HS6ST3: variants seen among roughly 807,000 people sequenced by gnomAD.
The protein encoded by HS6ST3 is heparan-sulfate 6-O-sulfotransferase 3.
Under a neutral mutation model 36.7 loss-of-function variants are expected in HS6ST3, and 12 were observed. The observed-to-expected ratio is 0.33, with a 90% CI of 0.21 to 0.53. The LOEUF is 0.53. HS6ST3 is among the 20% of genes least tolerant of loss of function. The pLI is 0.95. For synonymous variants in HS6ST3, 240 were observed against 257.5 expected (o/e 0.93, Z 0.65); for missense variants, 584 against 640.9 (o/e 0.91, Z 0.96).
chr13:96,115,155 A>G (rs1349626649), intron 1 of HS6ST3, among the ~76,000 whole-genome samples: 2 of 152,224 alleles, frequency 1.3e-5, no homozygotes, highest in South Asian at 2.1e-4. Context: ...TGGCACAGAC[A>G]TGGAACCCTG....
chr13:96,696,605 T>G (rs1003107286), intron 1 of HS6ST3, among the ~76,000 whole-genome samples: 1 of 152,144 alleles, frequency 6.6e-6, no homozygotes, highest in Admixed American at 6.5e-5. Context: ...GACTGGGAAG[T>G]CAGACTGAAA....
chr13:96,317,338 AT>A (rs2054976096), intron 1 of HS6ST3, among the ~76,000 whole-genome samples: 2 of 21,692 alleles, frequency 9.2e-5, no homozygotes, highest in African/African-American at 3.9e-4. Context: ...ATATATATAT[AT>A]ATATATATAT....
chr13:96,709,935 G>A (rs762713252), intron 1 of HS6ST3, among the ~76,000 whole-genome samples: 1 of 152,218 alleles, frequency 6.6e-6, no homozygotes, highest in Non-Finnish European at 1.5e-5. Flanking sequence ...GTAGCTTGGA[G>A]AAGATGTAAA....
intron 1 of HS6ST3, among the ~76,000 whole-genome samples, chr13:96,597,062 A>G (rs1353902441): frequency 2.0e-5 from 3 of 152,188 alleles, no homozygotes; most frequent in Non-Finnish European, 2.9e-5. Context: ...GTTGGAGACC[A>G]TTATCCTTAG....
chr13:96,618,171 C>T (rs2056481333), intron 1 of HS6ST3, among the ~76,000 whole-genome samples: 1 of 152,164 alleles, frequency 6.6e-6, no homozygotes, highest in African/African-American at 2.4e-5. Context: ...GCAATCATAG[C>T]TCACTGCAAG....
chr13:96,181,477 T>A lies in HS6ST3; in HGVS notation c.707+89908T>A, dbSNP rs148810912. Among the ~76,000 whole-genome samples the A allele has an allele frequency of 3.5e-3, 529 of 152,194 alleles. 5 individuals are homozygous for A. Among genetic ancestry groups the A allele is most frequent in the African/African-American group, 0.012 (503 of 41,520 alleles). On this transcript the variant is annotated intron_variant, in intron 1 of 1. Coordinates refer to ENST00000376705, the MANE Select transcript of HS6ST3 (RefSeq NM_153456.4). ...ATATTTTCCTGAGGAAAGGAGAGGT[T>A]TTTTCTGCCTCGTTTGAGCTCAGTG...
At chr13:96,680,172 A>G (rs2056713426) in intron 1 of HS6ST3, among the ~76,000 whole-genome samples, 1 of 152,078 alleles carries the variant, frequency 6.6e-6, no homozygotes, top group Non-Finnish European at 1.5e-5. Flanking sequence ...GGGACAACTG[A>G]CACAAACAGG....
intron 1 of HS6ST3, among the ~76,000 whole-genome samples, chr13:96,630,962 A>G (rs1264587598): frequency 2.6e-5 from 4 of 152,136 alleles, no homozygotes; most frequent in Non-Finnish European, 5.9e-5. Flanking sequence ...TTTGAGTCTT[A>G]TATTTTTTAG....
intron 1 of HS6ST3, among the ~76,000 whole-genome samples, chr13:96,809,081 A>C (rs1471080343): frequency 6.6e-6 from 1 of 152,212 alleles, no homozygotes; most frequent in Non-Finnish European, 1.5e-5. Context: ...ACTTCTAACC[A>C]TTTGAGCTAT....
intron 1 of HS6ST3, among the ~76,000 whole-genome samples, chr13:96,809,370 TA>T (rs1273026978): frequency 3.3e-5 from 5 of 152,250 alleles, no homozygotes; most frequent in Non-Finnish European, 7.3e-5. Flanking sequence ...ATGAATGTTA[TA>T]GGGGCATTTC....
chr13:96,529,674 ATGTGCCATAATTCATTTATG>A (rs2056127963), intron 1 of HS6ST3, among the ~76,000 whole-genome samples: 1 of 152,154 alleles, frequency 6.6e-6, no homozygotes, highest in Non-Finnish European at 1.5e-5. Flanking sequence ...TGTAAACCAA[ATGTGCCATAATTCATTTATG>A]ATTTTTGCTT....
intron 1 of HS6ST3, among the ~76,000 whole-genome samples, chr13:96,653,804 A>G (rs1435483121): frequency 1.3e-5 from 2 of 152,330 alleles, no homozygotes; most frequent in Non-Finnish European, 2.9e-5. Context: ...ACAATGGTTG[A>G]ACTAATTTAC....
chr13:96,215,362 T>C (rs951689107), intron 1 of HS6ST3, among the ~76,000 whole-genome samples: 3 of 152,224 alleles, frequency 2.0e-5, no homozygotes, highest in East Asian at 1.9e-4. Flanking sequence ...GAGAAAATCA[T>C]TGGTCATTCC....
intron 1 of HS6ST3, among the ~76,000 whole-genome samples, chr13:96,144,174 G>A (rs2054045231): frequency 6.6e-6 from 1 of 152,050 alleles, no homozygotes. Flanking sequence ...AGAGTTATGA[G>A]AATTAATAAT....
chr13:96,484,388 C>A (rs1216285986), intron 1 of HS6ST3, among the ~76,000 whole-genome samples: 4 of 152,004 alleles, frequency 2.6e-5, no homozygotes, highest in Non-Finnish European at 5.9e-5. Context: ...TCAATGTTAG[C>A]AAATTTCAAG....
intron 1 of HS6ST3, among the ~76,000 whole-genome samples, chr13:96,202,241 C>T (rs1220892877): frequency 6.6e-6 from 1 of 152,078 alleles, no homozygotes; most frequent in Non-Finnish European, 1.5e-5. Flanking sequence ...GCCTTGATGC[C>T]CTGTGAAATG....
intron 1 of HS6ST3, among the ~76,000 whole-genome samples, chr13:96,308,480 A>G (rs1034430203): frequency 6.6e-6 from 1 of 152,054 alleles, no homozygotes; most frequent in Non-Finnish European, 1.5e-5. Context: ...AATAATCAAC[A>G]TGGTTTCCTC....
intron 1 of HS6ST3, among the ~76,000 whole-genome samples, chr13:96,231,056 G>T (rs187165008): frequency 6.6e-6 from 1 of 152,196 alleles, no homozygotes; most frequent in East Asian, 1.9e-4. Flanking sequence ...GGAAAGAGAG[G>T]TATGAAGGGT....
chr13:96,486,076 CGTT>C (rs2055913110), intron 1 of HS6ST3, among the ~76,000 whole-genome samples: 1 of 139,590 alleles, frequency 7.2e-6, no homozygotes, highest in South Asian at 2.3e-4. Flanking sequence ...CATGTGTTCT[CGTT>C]GTTCAATTCC....
Sources: allele counts gnomAD v4.1 joint callset (sites outside exome capture counted in the v4.1 genomes callset), GRCh38; gene constraint gnomAD v4.1.1; transcripts MANE v1.5; gene names NCBI Gene and HGNC (gene_info 2026-07-23, HGNC 2026-07-21).